The following POLR1E variants were observed in gnomAD, a reference collection of about 807,000 sequenced individuals.
POLR1E encodes DNA-directed RNA polymerase I subunit RPA49.
In POLR1E, 37 loss-of-function variants were observed where a neutral mutation model predicts 50.9. The observed-to-expected ratio is 0.73, with a 90% CI of 0.56 to 0.96. The LOEUF (loss-of-function observed/expected upper bound fraction) is 0.96. Ranked by LOEUF, POLR1E falls within the 40% of genes least tolerant of loss-of-function variation. The probability of loss-of-function intolerance (pLI) is 0.00; values close to 1 mark genes in which losing one functional copy is unlikely to be tolerated. For missense variants in POLR1E, 426 were observed against 518.1 expected (o/e 0.82, Z 1.73); for synonymous variants, 166 against 191.6 (o/e 0.87, Z 1.10).
In POLR1E at chr9:37,487,933, T is replaced by C. The variant is rs764022432; in HGVS notation, c.251T>C (p.Leu84Ser). 11 of 1,614,022 alleles carry C rather than the reference T, an allele frequency of 6.8e-6. 1 individual carries two copies. In the South Asian group the frequency reaches 1.2e-4, roughly 18 times the overall value. ...FGTGALKCNT[L>S]CRHFVGILNK... ...ACTGGAGCCCTCAAATGCAACACTTTGTGCAGGTAATGGCAGGGGAAGGGA... is the reference window on the plus strand; with the variant it reads ...ACTGGAGCCCTCAAATGCAACACTTCGTGCAGGTAATGGCAGGGGAAGGGA... Residue 84 changes from leucine to serine, a missense_variant, in exon 3 of 12, where the codon TTG becomes TCG. Coordinates refer to ENST00000377798, the MANE Select transcript of POLR1E (RefSeq NM_022490.4).
At chr9:37,490,312 T>C in intron 4 of POLR1E, 1 of 461,478 alleles carries the variant, frequency 2.2e-6, no homozygotes, top group Non-Finnish European at 3.9e-6. Context: ...AACTAGGACA[T>C]AATTAAAATT....
In POLR1E at chr9:37,503,024, C is replaced by T. The variant is rs1820917127; in HGVS notation, c.1101-19C>T. The T allele has an allele frequency of 1.2e-6, 2 of 1,600,518 alleles. No individual in the cohort carries two copies. The highest frequency in any genetic ancestry group is 1.3e-5 in the African/African-American group (1 of 74,542). On this transcript the variant is annotated intron_variant, in intron 11 of 11. Coordinates refer to ENST00000377798, the MANE Select transcript of POLR1E (RefSeq NM_022490.4). Reference sequence around the variant, plus strand: ...ATGTTGAGGGGTCTCTCCAGTTCTTCTGTTTATGTCTTCCTTAGGATGATG... The same window carrying T: ...ATGTTGAGGGGTCTCTCCAGTTCTTTTGTTTATGTCTTCCTTAGGATGATG...
intron 9 of POLR1E, among the ~76,000 whole-genome samples, chr9:37,499,316 T>C (rs1820836479): frequency 6.6e-6 from 1 of 151,900 alleles, no homozygotes; most frequent in Admixed American, 6.6e-5. Flanking sequence ...TCCCAGCTAT[T>C]TGGGAGGCTG....
At chr9:37,493,755 TTC>T (rs1199463194) in intron 6 of POLR1E, 52 bp downstream of exon 6, 15 of 1,406,154 alleles carry the variant, frequency 1.1e-5, no homozygotes, top group Non-Finnish European at 1.4e-5. Context: ...CAGCTTTCTC[TTC>T]TCTTGAGATC....
intron 9 of POLR1E, among the ~76,000 whole-genome samples, chr9:37,498,597 A>G (rs998008524): frequency 1.3e-5 from 2 of 151,970 alleles, no homozygotes; most frequent in African/African-American, 2.4e-5. Context: ...GTGTGTGTGT[A>G]TATATAGAGA....
chr9:37,489,888 C>T (rs1588799432), intron 4 of POLR1E, among the ~76,000 whole-genome samples: 1 of 152,240 alleles, frequency 6.6e-6, no homozygotes, highest in African/African-American at 2.4e-5. Context: ...GTTTTTTATT[C>T]AGCACACACT....
At chr9:37,486,244 T>A (rs887970025) in intron 1 of POLR1E, 121 bp downstream of exon 1, 86 of 1,326,382 alleles carry the variant, frequency 6.5e-5, no homozygotes, top group Admixed American at 1.1e-4. Flanking sequence ...CCCTCTAGTC[T>A]CCACCACTCC....
chr9:37,498,175 T>C lies in POLR1E; in HGVS notation c.837T>C (p.Phe279=), dbSNP rs781731687. Reference sequence around the variant, plus strand: ...ACCGCCAGGCCCGATGCATATGGTTTCTGGATACCCTCATCAAATTTCGAG... The same window carrying C: ...ACCGCCAGGCCCGATGCATATGGTTCCTGGATACCCTCATCAAATTTCGAG... ...SRDRQARCIW[F]LDTLIKFRAH... Residue 279 remains phenylalanine (F), a synonymous_variant, in exon 9 of 12, where the codon TTT becomes TTC. Transcript: ENST00000377798. 7 of 1,614,122 alleles carry C rather than the reference T, an allele frequency of 4.3e-6. No individual in the cohort carries two copies. The South Asian group carries it at 7.7e-5, about 18-fold the overall frequency.
chr9:37,495,219 C>A lies in POLR1E; in HGVS notation c.598C>A (p.Leu200Ile). Residue 200 changes from leucine to isoleucine, a missense_variant, in exon 7 of 12, where the codon CTT becomes ATT. By Grantham distance (5) the Leu-to-Ile change is conservative. Transcript: ENST00000377798. The stretch of plus-strand genomic sequence containing the variant: ...TGACTTGCAAGATGACTCCCTCTAC[C>A]TTCCTCCCTGCTATGATGATGCAGC... ...HNDLQDDSLY[L>I]PPCYDDAAKP... 1 of 1,614,172 alleles carries A rather than the reference C, an allele frequency of 6.2e-7. No individual in the cohort carries two copies. The highest frequency in any genetic ancestry group is 1.1e-5 in the South Asian group (1 of 91,084).
chr9:37,497,300 A>G (rs1257209457), intron 8 of POLR1E, among the ~76,000 whole-genome samples: 1 of 152,260 alleles, frequency 6.6e-6, no homozygotes, highest in Non-Finnish European at 1.5e-5. Context: ...GGTTGCGGTG[A>G]GCCAAGATTG....
intron 8 of POLR1E, among the ~76,000 whole-genome samples, chr9:37,497,312 G>A (rs1048494739): frequency 2.6e-5 from 4 of 152,168 alleles, no homozygotes; most frequent in Non-Finnish European, 4.4e-5. Flanking sequence ...CCAAGATTGC[G>A]CCATTGCACT....
chr9:37,502,150 T>C (rs757484641), intron 11 of POLR1E, among the ~76,000 whole-genome samples: 24 of 152,230 alleles, frequency 1.6e-4, no homozygotes, highest in Non-Finnish European at 1.8e-4. Flanking sequence ...AGGGGAGTAG[T>C]TGGCCTTGAG....
chr9:37,488,359 G>A (rs1466437582), intron 3 of POLR1E, among the ~76,000 whole-genome samples: 2 of 152,088 alleles, frequency 1.3e-5, no homozygotes, highest in Non-Finnish European at 2.9e-5. Flanking sequence ...GATTGACTGA[G>A]TGGCTGGGTA....
intron 5 of POLR1E, 23 bp from the exon 6 acceptor site, chr9:37,493,517 TACCTGTCCTGTCCCCAGTA>T: frequency 6.6e-7 from 1 of 1,505,086 alleles, no homozygotes; most frequent in Non-Finnish European, 9.0e-7. Context: ...GGGCAGCACC[TACCTGTCCTGTCCCCAGTA>T]ACCAGGTTTA....
intron 2 of POLR1E, 93 bp downstream of exon 2, chr9:37,486,899 G>A (rs1820587973): frequency 2.8e-6 from 4 of 1,450,900 alleles, no homozygotes; most frequent in Admixed American, 2.3e-5. Context: ...GGGAGAAAAA[G>A]GGGAGTAGTA....
intron 9 of POLR1E, among the ~76,000 whole-genome samples, chr9:37,499,427 T>TG (rs1820838295): frequency 6.6e-6 from 1 of 152,228 alleles, no homozygotes; most frequent in Non-Finnish European, 1.5e-5. Context: ...AAAAATCTTA[T>TG]GGGACCACTG....
chr9:37,501,027 T>TCTTTTCA, intron 10 of POLR1E, 106 bp downstream of exon 10: 1 of 1,111,162 alleles, frequency 9.0e-7, no homozygotes, highest in Non-Finnish European at 1.3e-6. Flanking sequence ...GGAGATGCAG[T>TCTTTTCA]GCTGAAAAGA....
At chr9:37,488,047 G>T in intron 3 of POLR1E, 108 bp downstream of exon 3, 1 of 1,101,614 alleles carries the variant, frequency 9.1e-7, no homozygotes. Flanking sequence ...GCCATCTAGA[G>T]AGGTTTACTA....
intron 2 of POLR1E, among the ~76,000 whole-genome samples, chr9:37,487,078 A>C (rs1421153603): frequency 6.6e-6 from 1 of 152,172 alleles, no homozygotes; most frequent in Non-Finnish European, 1.5e-5. Flanking sequence ...CCCCACTCAG[A>C]GTTCATACTC....
Sources: gnomAD v4.1 joint callset for allele counts (sites outside exome capture counted in the v4.1 genomes callset) on GRCh38, gnomAD v4.1.1 for gene constraint, MANE v1.5 for transcripts, NCBI Gene and HGNC (gene_info 2026-07-23, HGNC 2026-07-21) for gene names.